The following ADCY4 variants were observed in gnomAD, a reference collection of about 807,000 sequenced individuals.
ADCY4 encodes the protein adenylate cyclase type 4.
In ADCY4, 111 loss-of-function variants were observed where a neutral mutation model predicts 125.5. That is an observed-to-expected ratio of 0.88 (90% CI 0.76 to 1.04). ADCY4 has a LOEUF of 1.04. ADCY4 is among the 50% of genes least tolerant of loss of function. The pLI is 0.00. For missense variants in ADCY4, 1,256 were observed against 1,382.9 expected, an observed-to-expected ratio of 0.91 and a Z score of 1.46; for synonymous variants, 576 against 586.9, an observed-to-expected ratio of 0.98 and a Z score of 0.27.
chr14:24,318,811 G>A, intron 23 of ADCY4, 33 bp from the exon 24 acceptor site: 1 of 1,613,352 alleles, frequency 6.2e-7, no homozygotes, highest in Non-Finnish European at 8.5e-7. Flanking sequence ...CAGACTTGGA[G>A]AAGGAAGAGG....
At chr14:24,322,274 C>G in intron 19 of ADCY4, 50 bp from the exon 20 acceptor site, 1 of 1,573,858 alleles carries the variant, frequency 6.4e-7, no homozygotes, top group Non-Finnish European at 8.6e-7. Flanking sequence ...AGGGGAAGCC[C>G]AGCTCCTGAG....
rs1566440385 is a variant in ADCY4 at position 24,331,189 on chromosome 14, C to A, written c.818+19G>T. On this transcript the variant is annotated intron_variant, in intron 5 of 24. Transcript: ENST00000418030. ...TCTTAGCCCACAGGCCCCTCCCCTCCAGCCATTCTTCCTCATACCTGACTC... is the reference window on the plus strand; with the variant it reads ...TCTTAGCCCACAGGCCCCTCCCCTCAAGCCATTCTTCCTCATACCTGACTC... 1 of 1,613,962 alleles carries A rather than the reference C, an allele frequency of 6.2e-7. No homozygotes were observed. Among genetic ancestry groups the A allele is most frequent in the South Asian group, 1.1e-5 (1 of 91,076 alleles).
Position 24,318,486 on chromosome 14 carries a change from C to G in ADCY4, c.3164G>C (p.Gly1055Ala). The change falls in exon 25 of 25, where the codon GGG (glycine) becomes GCG (alanine). Residue 1055 changes from glycine (G) to alanine (A), a missense_variant. Coordinates refer to ENST00000418030, the MANE Select transcript of ADCY4 (RefSeq NM_001198568.2). ...SRGVIKVKGK[G>A]QLCTYFLNTD... ...GTTCAGGAAGTAGGTGCAGAGCTGCCCTTTGCCTTTCACCTTGATGACACC... is the reference window on the plus strand; with the variant it reads ...GTTCAGGAAGTAGGTGCAGAGCTGCGCTTTGCCTTTCACCTTGATGACACC... The G allele has an allele frequency of 6.2e-7, 1 of 1,614,162 alleles. No individual in the cohort carries two copies.
At chr14:24,322,028 G>C in intron 20 of ADCY4, 38 bp downstream of exon 20, 1 of 1,583,594 alleles carries the variant, frequency 6.3e-7, no homozygotes, top group Non-Finnish European at 8.6e-7. Context: ...TAGGCCCTAT[G>C]GCATCCGTGG....
chr14:24,318,983 G>C, intron 23 of ADCY4, 115 bp downstream of exon 23: 1 of 1,433,028 alleles, frequency 7.0e-7, no homozygotes, highest in Non-Finnish European at 9.7e-7. Context: ...CCCAGGGAGT[G>C]AGTCAGGAAA....
At position 24,318,540 on chromosome 14, in the gene ADCY4, T is replaced by C. The variant is rs2041803029; in HGVS notation, c.3110A>G (p.Gln1037Arg). 6.2e-7 allele frequency: 1 copy of C among 1,614,028 alleles called. No homozygotes were observed. Among genetic ancestry groups the C allele is most frequent in the African/African-American group, 1.3e-5 (1 of 74,898 alleles). ...GCTGTAGCAGGTGTAGCCCAGGGAC[T>C]GTAGGGCCCATGCTGTCTCCTCAGT... ...QVTEETAWAL[Q>R]SLGYTCYSRG... The change falls in exon 25 of 25, where the codon CAG becomes CGG. Residue 1037 changes from glutamine (Q) to arginine (R), a missense_variant. Coordinates refer to ENST00000418030, the MANE Select transcript of ADCY4 (RefSeq NM_001198568.2).
In ADCY4 at chr14:24,323,452, G is replaced by A. The variant is rs763475799; in HGVS notation, c.2049C>T (p.Phe683=). The change falls in exon 17 of 25, where the codon TTC becomes TTT. Residue 683 remains phenylalanine, a splice_region_variant and synonymous_variant. Coordinates refer to ENST00000418030, the MANE Select transcript of ADCY4 (RefSeq NM_001198568.2). ...LVFAMAITSL[F]FFPTSSDCPF... The stretch of plus-strand genomic sequence containing the variant: ...GGCAGTCTGATGATGTTGGGAAGAA[G>A]AACTGCAGAGGAGATGAGGAGTTGA... The A allele has an allele frequency of 1.9e-6, 3 of 1,552,590 alleles. No individual in the cohort carries two copies. The East Asian group carries it at 7.3e-5, about 38-fold the overall frequency.
chr14:24,328,241 G>GGT (rs1329624909), intron 10 of ADCY4, among the ~76,000 whole-genome samples: 3 of 137,868 alleles, frequency 2.2e-5, no homozygotes, highest in Non-Finnish European at 4.6e-5. Context: ...TGGGGGGGGG[G>GGT]GTCTCCCTTT....
Position 24,334,500 on chromosome 14 carries a change from G to A in ADCY4, c.153C>T (p.Ser51=), listed in dbSNP as rs1284346044. The A allele has an allele frequency of 6.3e-7, 1 of 1,577,962 alleles. No individual in the cohort carries two copies. The change falls in exon 1 of 25, where the codon AGC becomes AGT. Residue 51 remains serine (S), a synonymous_variant. Transcript: ENST00000418030. Reference sequence around the variant, plus strand: ...CAGCAGAGGCTCGGCTCACCCTGCCGCTGGCCCAGGCCACTGCGAGCAGCG... The same window carrying A: ...CAGCAGAGGCTCGGCTCACCCTGCCACTGGCCCAGGCCACTGCGAGCAGCG... The part of the protein sequence containing the change: ...LAALLAVAWA[S]GRELTSDPSF...
In ADCY4 at chr14:24,329,918, C is replaced by T. The variant is rs1566439285; in HGVS notation, c.1159G>A (p.Asp387Asn). Residue 387 changes from aspartate to asparagine, a missense_variant, in exon 8 of 25, where the codon GAC becomes AAC. By Grantham distance (23) the Asp-to-Asn change is conservative. Coordinates refer to ENST00000418030, the MANE Select transcript of ADCY4 (RefSeq NM_001198568.2). Reference protein sequence around the residue: ...GVIGLQKWQYDVWSHDVTLAN... With the variant: ...GVIGLQKWQYNVWSHDVTLAN... ...AGTGTGACATCATGTGACCAAACGT[C>T]GTACTGCCACTTCTGCAGCCCGATG... 2.5e-6 allele frequency: 4 copies of T among 1,614,158 alleles called. No homozygotes were observed. In the East Asian group the frequency reaches 6.7e-5, roughly 27 times the overall value.
In ADCY4 at chr14:24,324,339, T is replaced by C; in HGVS notation, c.1876A>G (p.Ile626Val). Reference protein sequence around the residue: ...YSITFLLFLLILFVCFSEDLM... With the variant: ...YSITFLLFLLVLFVCFSEDLM... ...TCCTCTGAGAAGCAGACAAAAAGGA[T>C]GAGGAGGAAGAGGAGGAAGGTGATG... The change falls in exon 15 of 25, where the codon ATC (isoleucine) becomes GTC (valine). Residue 626 changes from isoleucine (I) to valine (V), a missense_variant. Coordinates refer to ENST00000418030, the MANE Select transcript of ADCY4 (RefSeq NM_001198568.2). The C allele has an allele frequency of 6.2e-7, 1 of 1,613,812 alleles. No individual in the cohort carries two copies. Among genetic ancestry groups the C allele is most frequent in the Non-Finnish European group, 8.5e-7 (1 of 1,179,910 alleles).
chr14:24,323,449 GA>G lies in ADCY4; in HGVS notation c.2051del (p.Phe684SerfsTer18), dbSNP rs757942612. ...AAGGGCAGTCTGATGATGTTGGGAA[GA>G]AGAACTGCAGAGGAGATGAGGAGTT... is the stretch of plus-strand genomic sequence containing the variant. ...VFAMAITSLF[F>X]FPTSSDCPFQ... On this transcript the variant is annotated frameshift_variant, in exon 17 of 25. Coordinates refer to ENST00000418030, the MANE Select transcript of ADCY4 (RefSeq NM_001198568.2). LOFTEE classifies it high-confidence loss of function. 1.0e-5 allele frequency: 16 copies of G among 1,552,854 alleles called. No individual in the cohort carries two copies. In the South Asian group the frequency reaches 1.9e-4, roughly 18 times the overall value.
intron 20 of ADCY4, 128 bp downstream of exon 20, chr14:24,321,938 T>C (rs1310442389): frequency 7.1e-7 from 1 of 1,416,964 alleles, no homozygotes; most frequent in African/African-American, 1.4e-5. Flanking sequence ...ACAAAGACGC[T>C]TGACAAGCAC....
At position 24,322,102 on chromosome 14, in the gene ADCY4, C is replaced by CA. The variant is rs1203684212; in HGVS notation, c.2549dup (p.Ala851GlyfsTer20). The CA allele has an allele frequency of 4.3e-6, 7 of 1,613,784 alleles. No individual in the cohort carries two copies. Among genetic ancestry groups the CA allele is most frequent in the African/African-American group, 1.3e-5 (1 of 74,910 alleles). Reference sequence around the variant, plus strand: ...GGTTCTGGCCAATGAACTGGGGGGCCACGTGTGCAGGGAGCACGTTCTCCA... The same window carrying CA: ...GGTTCTGGCCAATGAACTGGGGGGCCAACGTGTGCAGGGAGCACGTTCTCCA... On this transcript the variant is annotated frameshift_variant, in exon 20 of 25. Coordinates refer to ENST00000418030, the MANE Select transcript of ADCY4 (RefSeq NM_001198568.2). LOFTEE classifies it high-confidence loss of function.
intron 6 of ADCY4, 97 bp downstream of exon 6, chr14:24,330,921 G>T: frequency 1.8e-6 from 2 of 1,084,938 alleles, no homozygotes; most frequent in South Asian, 1.6e-5. Context: ...CACTGAAGTG[G>T]GCCTGGGATC....
chr14:24,325,904 G>A lies in ADCY4; in HGVS notation c.1656-17C>T, dbSNP rs2041934241. ...TTCCACTGTCTGGTGGGAGGTGGGA[G>A]GGTGGGTGAAAGCACCAGAGAACAG... On this transcript the variant is annotated splice_polypyrimidine_tract_variant and intron_variant, in intron 12 of 24. Coordinates refer to ENST00000418030, the MANE Select transcript of ADCY4 (RefSeq NM_001198568.2). The A allele has an allele frequency of 3.2e-6, 5 of 1,580,622 alleles. No individual in the cohort carries two copies. In the East Asian group the frequency reaches 1.1e-4, roughly 36 times the overall value.
intron 1 of ADCY4, among the ~76,000 whole-genome samples, chr14:24,333,500 A>C (rs2042083630): frequency 6.6e-6 from 1 of 152,034 alleles, no homozygotes; most frequent in African/African-American, 2.4e-5. Flanking sequence ...AAGTGCTGGG[A>C]TTACAGGCGT....
At chr14:24,331,973 C>G in intron 3 of ADCY4, 36 bp from the exon 4 acceptor site, 3 of 1,503,776 alleles carry the variant, frequency 2.0e-6, no homozygotes, top group Non-Finnish European at 2.7e-6. Flanking sequence ...GGCGCGGGAC[C>G]CGGGTGCTTG....
intron 10 of ADCY4, 149 bp downstream of exon 10, chr14:24,328,911 TG>T: frequency 3.0e-6 from 3 of 993,754 alleles, no homozygotes; most frequent in Non-Finnish European, 4.5e-6. Flanking sequence ...AACCAGTGAC[TG>T]GGGTGACAAG....
Sources: allele counts gnomAD v4.1 joint callset (sites outside exome capture counted in the v4.1 genomes callset), GRCh38; gene constraint gnomAD v4.1.1; transcripts MANE v1.5; gene names NCBI Gene and HGNC (gene_info 2026-07-23, HGNC 2026-07-21).